The following AK3 variants were observed in gnomAD, a reference collection of about 807,000 sequenced individuals.
The protein encoded by AK3 is GTP:AMP phosphotransferase AK3, mitochondrial.
In AK3, 27 loss-of-function variants were observed where a neutral mutation model predicts 23.7. That is an observed-to-expected ratio of 1.14 (90% CI 0.84 to 1.57). The LOEUF (loss-of-function observed/expected upper bound fraction) is 1.57. Ranked by LOEUF, AK3 falls within the 40% of genes most tolerant of loss-of-function variation. AK3 has a pLI of 0.00. For synonymous variants in AK3, 159 were observed against 116.0 expected (o/e 1.37, Z -2.38); for missense variants, 406 against 285.6 (o/e 1.42, Z -3.04).
rs997858933 is a variant in AK3, at chr9:4,719,023, T to C, written c.444+112A>G. ...AACTCTACCAAGTAACCTGAGAATA[T>C]ACCCTCAGGAGTTTTGGTCAGAGGA... is the stretch of plus-strand genomic sequence containing the variant. On this transcript the variant is annotated intron_variant, in intron 3 of 4. Coordinates refer to ENST00000381809, the MANE Select transcript of AK3 (RefSeq NM_016282.4). 2.2e-5 allele frequency: 27 copies of C among 1,214,700 alleles called. No homozygotes were observed. In the East Asian group the frequency reaches 2.6e-4, roughly 12 times the overall value. The allele number at this position is 1,214,700 out of a possible 1,614,324, so 75.2% of individuals were successfully genotyped here.
chr9:4,738,755 GCTTTA>G (rs1399988722), intron 1 of AK3, among the ~76,000 whole-genome samples: 42 of 134,724 alleles, frequency 3.1e-4, no homozygotes, highest in Non-Finnish European at 4.9e-4. Flanking sequence ...TAATAAATAT[GCTTTA>G]CTTTTTTTTT....
Position 4,712,460 on chromosome 9 carries a change from T to A in AK3, c.*516A>T, listed in dbSNP as rs1273847342. ...ACATTTCTTAGTGTAAAGGCAGCAG[T>A]GAATTTGTGTCTCACAATAAATCTG... On this transcript the variant is annotated 3_prime_UTR_variant, in exon 5 of 5. Coordinates refer to ENST00000381809, the MANE Select transcript of AK3 (RefSeq NM_016282.4). 1 of 152,316 alleles carries A rather than the reference T, an allele frequency of 6.6e-6. No individual in the cohort carries two copies. Among genetic ancestry groups the A allele is most frequent in the African/African-American group, 2.4e-5 (1 of 41,454 alleles). 9.4% of individuals were successfully genotyped at this position (152,316 alleles called of 1,614,324 possible).
chr9:4,728,862 T>TAC (rs1315242329), intron 1 of AK3, among the ~76,000 whole-genome samples: 17 of 71,468 alleles, frequency 2.4e-4, no homozygotes, highest in African/African-American at 5.8e-4. Context: ...TATATATATA[T>TAC]ATATACACAC....
chr9:4,737,067 GA>G (rs1309021403), intron 1 of AK3, among the ~76,000 whole-genome samples: 2 of 145,572 alleles, frequency 1.4e-5, no homozygotes, highest in African/African-American at 5.0e-5. Context: ...TACCATAGTT[GA>G]ACTATTATTC....
intron 1 of AK3, 148 bp downstream of exon 1, chr9:4,740,789 G>C: frequency 9.3e-7 from 1 of 1,076,594 alleles, no homozygotes; most frequent in Non-Finnish European, 1.2e-6. Context: ...GGGCGCAGTC[G>C]CTCAGCAGCC....
chr9:4,719,289 G>T lies in AK3; in HGVS notation c.290C>A (p.Pro97Gln), dbSNP rs760388908. Residue 97 changes from proline (P) to glutamine (Q), a missense_variant, in exon 3 of 5, where the codon CCA becomes CAA. Coordinates refer to ENST00000381809, the MANE Select transcript of AK3 (RefSeq NM_016282.4). ...AGCTCTATCTAGGGCTTCTGCCTGT[G>T]GAAGTGTCCTTGGAAAACCTTTATA... Reference protein sequence around the residue: ...WLLDGFPRTLPQAEALDRAYQ... With the variant: ...WLLDGFPRTLQQAEALDRAYQ... The T allele has an allele frequency of 6.4e-6, 9 of 1,407,068 alleles. No homozygotes were observed. Among genetic ancestry groups the T allele is most frequent in the Non-Finnish European group, 8.6e-6 (9 of 1,051,062 alleles). 87.2% of individuals were successfully genotyped at this position (1,407,068 alleles called of 1,614,324 possible).
chr9:4,738,402 G>A (rs1001575580), intron 1 of AK3, among the ~76,000 whole-genome samples: 1 of 152,130 alleles, frequency 6.6e-6, no homozygotes, highest in Non-Finnish European at 1.5e-5. Flanking sequence ...CTGACCTCTG[G>A]TGATTCACCC....
At chr9:4,713,334 T>C (rs1486490442) in intron 4 of AK3, among the ~76,000 whole-genome samples, 1 of 152,250 alleles carries the variant, frequency 6.6e-6, no homozygotes. Context: ...ACCTATCATT[T>C]ATTTTATTTA....
At chr9:4,735,362 T>C (rs377587832) in intron 1 of AK3, among the ~76,000 whole-genome samples, 31 of 93,924 alleles carry the variant, frequency 3.3e-4, no homozygotes, top group African/African-American at 1.3e-3. Context: ...AATATATATA[T>C]ACATATATAA....
rs1841574199 is a variant in AK3 at position 4,712,008 on chromosome 9, A to G, written c.*968T>C. ...GGCATGCCTCATCTATTTACTAACA[A>G]CAAAGTATGCTTACTTTATTTACAT... On this transcript the variant is annotated 3_prime_UTR_variant, in exon 5 of 5. Coordinates refer to ENST00000381809, the MANE Select transcript of AK3 (RefSeq NM_016282.4). The G allele has an allele frequency of 2.0e-5, 3 of 152,150 alleles. No individual in the cohort carries two copies. Among genetic ancestry groups the G allele is most frequent in the South Asian group, 2.1e-4 (1 of 4,826 alleles). The allele number at this position is 152,150 out of a possible 1,614,324, so 9.4% of individuals were successfully genotyped here.
At chr9:4,729,440 C>T (rs951029691) in intron 1 of AK3, among the ~76,000 whole-genome samples, 1 of 152,116 alleles carries the variant, frequency 6.6e-6, no homozygotes. Flanking sequence ...CCACTGTACT[C>T]CAGCCTGAGT....
At chr9:4,718,617 A>G in intron 3 of AK3, 80 bp from the exon 4 acceptor site, 1 of 1,141,138 alleles carries the variant, frequency 8.8e-7, no homozygotes, top group Non-Finnish European at 1.3e-6. Flanking sequence ...TTATTTTTAA[A>G]CAGACATCTC....
intron 4 of AK3, among the ~76,000 whole-genome samples, chr9:4,717,198 C>A (rs1056716683): frequency 6.6e-6 from 1 of 152,144 alleles, no homozygotes; most frequent in African/African-American, 2.4e-5. Context: ...GCTCCAGAGT[C>A]TGTGTTCTGC....
intron 1 of AK3, among the ~76,000 whole-genome samples, chr9:4,724,471 A>C (rs576172055): frequency 1.3e-5 from 2 of 152,200 alleles, no homozygotes; most frequent in Admixed American, 6.5e-5. Flanking sequence ...TGCCCTTGCC[A>C]CTTCTATACA....
intron 1 of AK3, among the ~76,000 whole-genome samples, chr9:4,730,346 T>A (rs767427570): frequency 7.2e-5 from 11 of 152,090 alleles, no homozygotes; most frequent in Non-Finnish European, 1.6e-4. Flanking sequence ...TAAATCTCAA[T>A]ACAGATTTTG....
At chr9:4,732,468 G>A (rs774502293) in intron 1 of AK3, among the ~76,000 whole-genome samples, 2 of 152,090 alleles carry the variant, frequency 1.3e-5, no homozygotes, top group Non-Finnish European at 2.9e-5. Context: ...GTTGTTCAAG[G>A]CCAACTGTAT....
In AK3 at chr9:4,710,256, G is replaced by C. The variant is rs972707114; in HGVS notation, c.*2720C>G. 3 of 152,182 alleles carry C rather than the reference G, an allele frequency of 2.0e-5. No homozygotes were observed. The highest frequency in any genetic ancestry group is 4.4e-5 in the Non-Finnish European group (3 of 68,130). The allele number at this position is 152,182 out of a possible 1,614,324, so 9.4% of individuals were successfully genotyped here. A position where few individuals can be genotyped will look rare whatever the true frequency, so the allele number is the denominator to read the frequency against. On this transcript the variant is annotated 3_prime_UTR_variant, in exon 5 of 5. Transcript: ENST00000381809. ...GGAGTCTCCCTCTGTCGCCCAGGCT[G>C]GAGTGCAGTGGCACGATCTCAGCTC...
At chr9:4,739,913 A>C (rs1474442632) in intron 1 of AK3, among the ~76,000 whole-genome samples, 1 of 152,130 alleles carries the variant, frequency 6.6e-6, no homozygotes, top group Non-Finnish European at 1.5e-5. Flanking sequence ...AAAGAAAAAA[A>C]GAAAAAAGGT....
upstream of AK3, chr9:4,741,261 C>T: frequency 1.6e-6 from 1 of 632,830 alleles, no homozygotes. Context: ...CCAGACAGCG[C>T]GGGACCCCGC....
Sources: gnomAD v4.1 joint callset for allele counts (sites outside exome capture counted in the v4.1 genomes callset) on GRCh38, gnomAD v4.1.1 for gene constraint, MANE v1.5 for transcripts, NCBI Gene and HGNC (gene_info 2026-07-23, HGNC 2026-07-21) for gene names.